The following TBC1D5 variants were observed in gnomAD, a reference collection of about 807,000 sequenced individuals.
TBC1D5 encodes TBC1 domain family member 5.
A neutral mutation model predicts 100.3 loss-of-function variants in TBC1D5; 75 were observed. The observed-to-expected ratio is 0.75, with a 90% CI of 0.62 to 0.91. The LOEUF (loss-of-function observed/expected upper bound fraction) is 0.91, where lower values mean the gene tolerates loss of function less well. Ranked by LOEUF, TBC1D5 falls within the 40% of genes least tolerant of loss-of-function variation. TBC1D5 has a pLI of 0.00. For synonymous variants in TBC1D5, 323 were observed against 325.6 expected (o/e 0.99, Z 0.09); for missense variants, 910 against 942.4 (o/e 0.97, Z 0.45).
chr3:17,383,574 T>A (rs1575619797), intron 9 of TBC1D5, among the ~76,000 whole-genome samples: 1 of 152,076 alleles, frequency 6.6e-6, no homozygotes, highest in East Asian at 1.9e-4. Context: ...TATTTATAAA[T>A]GCTATACTTA....
chr3:17,354,705 G>T (rs2151758481), intron 13 of TBC1D5, among the ~76,000 whole-genome samples: 1 of 149,832 alleles, frequency 6.7e-6, no homozygotes, highest in African/African-American at 2.5e-5. Flanking sequence ...GAGGAAATAT[G>T]AAAAAAGGAG....
Position 17,166,766 on chromosome 3 carries a change from C to T in TBC1D5, c.2094+1G>A. 1 of 1,602,102 alleles carries T rather than the reference C, an allele frequency of 6.2e-7. No homozygotes were observed. Among genetic ancestry groups the T allele is most frequent in the Non-Finnish European group, 8.5e-7 (1 of 1,176,562 alleles). ...TAACATGTTCCTCAGAGTTTCTGTA[C>T]CTGTTTAATGGCCCCTGACATTTGA... On this transcript the variant is annotated splice_donor_variant, in intron 21 of 21. Coordinates refer to ENST00000253692, the Ensembl canonical transcript of TBC1D5. LOFTEE classifies it high-confidence loss of function.
intron 16 of TBC1D5, among the ~76,000 whole-genome samples, chr3:17,256,637 AT>A (rs2077713473): frequency 6.6e-6 from 1 of 152,124 alleles, no homozygotes; most frequent in African/African-American, 2.4e-5. Context: ...TATAACAAAT[AT>A]GTGTTGAGTG....
chr3:17,459,059 C>T (rs990439478), intron 3 of TBC1D5, among the ~76,000 whole-genome samples: 11 of 152,098 alleles, frequency 7.2e-5, no homozygotes, highest in Middle Eastern at 3.2e-3. Flanking sequence ...CATTTATTTT[C>T]CATTAAGTTT....
At chr3:17,530,737 C>G (rs139592795) in intron 2 of TBC1D5, among the ~76,000 whole-genome samples, 2 of 151,992 alleles carry the variant, frequency 1.3e-5, no homozygotes, top group African/African-American at 4.8e-5. Context: ...AAAAACCACA[C>G]GATTATCTCA....
rs368934886 is a variant in TBC1D5 at position 17,695,216 on chromosome 3, A to G, written c.-101+44127T>C. Among the ~76,000 whole-genome samples the G allele has an allele frequency of 1.0e-3, 153 of 152,358 alleles. 2 individuals are homozygous for G. In the South Asian group the frequency reaches 0.018, roughly 18 times the overall value. On this transcript the variant is annotated intron_variant, in intron 1 of 21. Transcript: ENST00000253692. Reference sequence around the variant, plus strand: ...AAGGGCAAAATAACCAGGGAACATCATAATGACAGGATCAAATTCACACAT... The same window carrying G: ...AAGGGCAAAATAACCAGGGAACATCGTAATGACAGGATCAAATTCACACAT...
At chr3:17,367,599 G>A (rs762783395) in intron 13 of TBC1D5, among the ~76,000 whole-genome samples, 3 of 152,030 alleles carry the variant, frequency 2.0e-5, no homozygotes, top group Non-Finnish European at 2.9e-5. Flanking sequence ...TGGCTCACAC[G>A]TGTAACCCCA....
intron 18 of TBC1D5, among the ~76,000 whole-genome samples, chr3:17,188,368 A>T (rs868484382): frequency 6.6e-6 from 1 of 152,222 alleles, no homozygotes; most frequent in South Asian, 2.1e-4. Context: ...ATCTTGATAC[A>T]AACAGAATCT....
chr3:17,218,265 T>C (rs1597393), intron 17 of TBC1D5, among the ~76,000 whole-genome samples: 60,039 of 151,694 alleles, frequency 0.4, 12,608 homozygotes, highest in Middle Eastern at 0.49. Flanking sequence ...GACATGTGAG[T>C]TCTCCAGCTT....
At chr3:17,195,559 C>T (rs1048568359) in intron 18 of TBC1D5, among the ~76,000 whole-genome samples, 5 of 152,164 alleles carry the variant, frequency 3.3e-5, no homozygotes, top group African/African-American at 7.2e-5. Flanking sequence ...CTAATTGATC[C>T]GTGTGAAGAT....
At chr3:17,651,404 G>T (rs1193973760) in intron 1 of TBC1D5, among the ~76,000 whole-genome samples, 1 of 152,096 alleles carries the variant, frequency 6.6e-6, no homozygotes, top group East Asian at 1.9e-4. Flanking sequence ...ATTAATGTAG[G>T]TCCTCACAGT....
intron 13 of TBC1D5, among the ~76,000 whole-genome samples, chr3:17,345,019 C>T (rs1575444460): frequency 6.6e-6 from 1 of 152,186 alleles, no homozygotes; most frequent in South Asian, 2.1e-4. Context: ...GCAAGGACTT[C>T]ATGTCTAAAA....
intron 1 of TBC1D5, among the ~76,000 whole-genome samples, chr3:17,713,496 C>T (rs2074953772): frequency 6.6e-6 from 1 of 152,094 alleles, no homozygotes; most frequent in South Asian, 2.1e-4. Flanking sequence ...CCCGCCTTGG[C>T]CTCCCAAAGT....
chr3:17,418,538 G>A (rs1051239538), intron 4 of TBC1D5, among the ~76,000 whole-genome samples: 1 of 152,030 alleles, frequency 6.6e-6, no homozygotes, highest in Admixed American at 6.6e-5. Context: ...AACCCAGGAA[G>A]TGAAGGTTGC....
chr3:17,240,921 T>C (rs1576216538), intron 16 of TBC1D5, among the ~76,000 whole-genome samples: 2 of 152,178 alleles, frequency 1.3e-5, no homozygotes, highest in South Asian at 4.1e-4. Flanking sequence ...CTAATAACCA[T>C]GAAAAACATA....
At chr3:17,524,349 G>A (rs2096103015) in intron 2 of TBC1D5, among the ~76,000 whole-genome samples, 1 of 152,140 alleles carries the variant, frequency 6.6e-6, no homozygotes, top group South Asian at 2.1e-4. Flanking sequence ...TGCAAGTTTA[G>A]GAAGGCAATA....
chr3:17,508,529 T>C (rs751167898), exon 3 of TBC1D5: 5 of 1,613,664 alleles, frequency 3.1e-6, no homozygotes, highest in Non-Finnish European at 4.2e-6. Context: ...CTTGTTCTTC[T>C]GGCTGCAGAG....
chr3:17,306,903 T>C (rs143529614), intron 14 of TBC1D5, among the ~76,000 whole-genome samples: 1 of 152,190 alleles, frequency 6.6e-6, no homozygotes, highest in Non-Finnish European at 1.5e-5. Context: ...ACGACTTCCA[T>C]GTTCTTAAAT....
intron 1 of TBC1D5, among the ~76,000 whole-genome samples, chr3:17,736,940 G>C (rs2077006404): frequency 6.6e-6 from 1 of 152,084 alleles, no homozygotes; most frequent in Non-Finnish European, 1.5e-5. Flanking sequence ...TTGAACCCAG[G>C]AGGCAGAGGT....
Sources: gnomAD v4.1 joint callset for allele counts (sites outside exome capture counted in the v4.1 genomes callset) on GRCh38, gnomAD v4.1.1 for gene constraint, MANE v1.5 for transcripts, NCBI Gene and HGNC (gene_info 2026-07-23, HGNC 2026-07-21) for gene names.